The following BRSK1 variants were observed in gnomAD, a reference collection of about 807,000 sequenced individuals.
BRSK1 encodes BR serine/threonine kinase 1.
In BRSK1, 17 loss-of-function variants were observed where a neutral mutation model predicts 86.2. The ratio of observed to expected loss-of-function variants is 0.20; its 90% CI spans 0.14 to 0.30. BRSK1 has a LOEUF of 0.30. Ranked by LOEUF, BRSK1 falls within the 10% of genes least tolerant of loss-of-function variation. The pLI is 1.00. For synonymous variants in BRSK1, 464 were observed against 440.1 expected, an observed-to-expected ratio of 1.05 and a Z score of -0.68; for missense variants, 719 against 1,071.9, an observed-to-expected ratio of 0.67 and a Z score of 4.60.
chr19:55,304,030 TA>T lies in BRSK1; in HGVS notation c.1287-17del, dbSNP rs397859178. On this transcript the variant is annotated intron_variant, in intron 12 of 18. Coordinates refer to ENST00000309383, the MANE Select transcript of BRSK1 (RefSeq NM_032430.2). The surrounding 1 kb of genome is among the most constrained non-coding windows in gnomAD (Gnocchi z 5.2). ...ACCCTCCCATCTGATTTTTTTTTTTTAAATCTATCCTGGAAACAGATCCCGT... is the reference window on the plus strand; with the variant it reads ...ACCCTCCCATCTGATTTTTTTTTTTTAATCTATCCTGGAAACAGATCCCGT... 7.6e-6 allele frequency: 12 copies of T among 1,586,966 alleles called. No individual in the cohort carries two copies. The highest frequency in any genetic ancestry group is 9.4e-6 in the Non-Finnish European group (11 of 1,169,012).
At chr19:55,307,789 A>ACACACAC (rs1568989630) in intron 17 of BRSK1, among the ~76,000 whole-genome samples, 18 of 97,916 alleles carry the variant, frequency 1.8e-4, no homozygotes, top group African/African-American at 8.1e-4. Flanking sequence ...CACACACACA[A>ACACACAC]TTTAAAAAAA....
chr19:55,297,249 G>A (rs1433638981), intron 7 of BRSK1, among the ~76,000 whole-genome samples: 1 of 151,722 alleles, frequency 6.6e-6, no homozygotes, highest in South Asian at 2.1e-4. Flanking sequence ...GCTAATTTTT[G>A]TATTTTTAGT....
In BRSK1 at chr19:55,302,679, G is replaced by A; in HGVS notation, c.858-18G>A. ...TCTCAGAAGCCCGGTTCCCAATAAT[G>A]TTTCTCCACTTCCCCAGAGGCGGGA... On this transcript the variant is annotated intron_variant, in intron 9 of 18. Transcript: ENST00000309383. The surrounding 1 kb of genome is among the most constrained non-coding windows in gnomAD (Gnocchi z 6.3). 6.3e-7 allele frequency: 1 copy of A among 1,596,356 alleles called. No individual in the cohort carries two copies. The highest frequency in any genetic ancestry group is 8.6e-7 in the Non-Finnish European group (1 of 1,168,378).
intron 4 of BRSK1, among the ~76,000 whole-genome samples, chr19:55,290,999 A>G (rs576087934): frequency 3.7e-4 from 28 of 75,496 alleles, no homozygotes; most frequent in Admixed American, 9.4e-4. Flanking sequence ...AAGGTCACTA[A>G]GGTCTTCTGT....
rs773660197 is a variant in BRSK1, at chr19:55,294,298, C to T, written c.610-31C>T. On this transcript the variant is annotated intron_variant, in intron 6 of 18. Transcript: ENST00000309383. This position sits in a 1 kb window ranked among gnomAD's most constrained non-coding sequence, Gnocchi z 4.9. ...GAGGGGTGGAGGCAGCAGTGAGGAG[C>T]GATGAAGTCACAACTGGCCTTCCCT... 31 of 1,613,986 alleles carry T rather than the reference C, an allele frequency of 1.9e-5. No homozygotes were observed. Among genetic ancestry groups the T allele is most frequent in the Admixed American group, 6.7e-5 (4 of 59,976 alleles).
intron 1 of BRSK1, among the ~76,000 whole-genome samples, chr19:55,285,041 G>C (rs1347471348): frequency 6.7e-6 from 1 of 149,424 alleles, no homozygotes; most frequent in Non-Finnish European, 1.5e-5. Context: ...GGGGCTGGGG[G>C]TCTGGACTTC....
chr19:55,289,197 A>G (rs1031766745), intron 3 of BRSK1, among the ~76,000 whole-genome samples: 9 of 152,140 alleles, frequency 5.9e-5, no homozygotes, highest in African/African-American at 9.7e-5. Flanking sequence ...GGGAGGCTCT[A>G]CTGCCCAGGG....
At chr19:55,295,021 C>T (rs1180374520) in intron 7 of BRSK1, among the ~76,000 whole-genome samples, 7 of 152,138 alleles carry the variant, frequency 4.6e-5, no homozygotes, top group Admixed American at 2.0e-4. Flanking sequence ...AGGTTGGTTT[C>T]GAACTCCTGG....
chr19:55,305,534 A>G lies in BRSK1; in HGVS notation c.1838A>G (p.Lys613Arg). The G allele has an allele frequency of 1.2e-6, 2 of 1,614,210 alleles. No individual in the cohort carries two copies. Residue 613 changes from lysine (K) to arginine (R), a missense_variant, in exon 16 of 19, where the codon AAG becomes AGG. By Grantham distance (26) the Lys-to-Arg change is conservative (BLOSUM62 2). Coordinates refer to ENST00000309383, the MANE Select transcript of BRSK1 (RefSeq NM_032430.2). ...GAAGAACAAATATTCCTCGTGCTAA[A>G]GGACAAACCTCTCAGCAGCATCAAA... is the stretch of plus-strand genomic sequence containing the variant. Reference protein sequence around the residue: ...DKEEQIFLVLKDKPLSSIKAD... With the variant: ...DKEEQIFLVLRDKPLSSIKAD...
chr19:55,291,490 G>A (rs185664999), intron 4 of BRSK1, among the ~76,000 whole-genome samples: 3 of 152,288 alleles, frequency 2.0e-5, no homozygotes, highest in Admixed American at 2.0e-4. Flanking sequence ...GCTGCAGTGA[G>A]GCAACAGAGT....
In BRSK1 at chr19:55,284,505, C is replaced by A; in HGVS notation, c.63C>A (p.His21Gln). ...GSPAYHLPHP[H>Q]PHPPQHAQYV... is the part of the protein sequence containing the mutation. ...CCGCCTACCACCTCCCCCACCCCCA[C>A]CCCCACCCACCCCAGCACGCCCAAT... Residue 21 changes from histidine to glutamine, a missense_variant, in exon 1 of 19, where the codon CAC becomes CAA. His to Gln is a conservative substitution (Grantham distance 24). Around this residue, in one of 6 missense-constraint regions of BRSK1, gnomAD observed 71 missense variants for 92.6 expected, o/e 0.77. Transcript: ENST00000309383. 2.6e-6 allele frequency: 3 copies of A among 1,155,748 alleles called. No individual in the cohort carries two copies. The highest frequency in any genetic ancestry group is 3.5e-6 in the Non-Finnish European group (3 of 868,914). 71.6% of individuals were successfully genotyped at this position (1,155,748 alleles called of 1,614,324 possible). A position where few individuals can be genotyped will look rare whatever the true frequency, so the allele number is the denominator to read the frequency against.
At chr19:55,297,599 G>A (rs545417328) in intron 7 of BRSK1, among the ~76,000 whole-genome samples, 3 of 152,132 alleles carry the variant, frequency 2.0e-5, no homozygotes, top group Non-Finnish European at 4.4e-5. Context: ...GAGAGCAGCC[G>A]AGGTGCTCTG....
chr19:55,286,001 AC>A (rs2088304998), intron 1 of BRSK1, among the ~76,000 whole-genome samples: 1 of 96,354 alleles, frequency 1.0e-5, no homozygotes, highest in African/African-American at 4.2e-5. Flanking sequence ...GGGAGGAGGA[AC>A]TGGGGGTCTG....
chr19:55,288,562 G>C (rs534056472), intron 3 of BRSK1, among the ~76,000 whole-genome samples: 4 of 151,730 alleles, frequency 2.6e-5, no homozygotes, highest in African/African-American at 9.7e-5. Flanking sequence ...AGAGGCTTAT[G>C]GGAAGGGAGT....
chr19:55,299,008 C>A (rs953435412), intron 7 of BRSK1, among the ~76,000 whole-genome samples: 25 of 152,158 alleles, frequency 1.6e-4, no homozygotes, highest in African/African-American at 5.1e-4. Context: ...CTGAGGCGGG[C>A]AGATCACGAA....
At chr19:55,285,461 G>A (rs1360093642) in intron 1 of BRSK1, among the ~76,000 whole-genome samples, 1 of 152,106 alleles carries the variant, frequency 6.6e-6, no homozygotes, top group African/African-American at 2.4e-5. Context: ...TGCAGACCGG[G>A]GTGCAGTGCA....
chr19:55,295,202 A>C (rs1016593985), intron 7 of BRSK1, among the ~76,000 whole-genome samples: 4 of 151,904 alleles, frequency 2.6e-5, no homozygotes, highest in African/African-American at 7.3e-5. Context: ...GGCTCACTGC[A>C]GTCTCAATCT....
Position 55,306,756 on chromosome 19 carries a change from G to A in BRSK1, c.2089+306G>A, listed in dbSNP as rs1292305892. On this transcript the variant is annotated intron_variant, in intron 17 of 18. Transcript: ENST00000309383. The surrounding 1 kb of genome is among the most constrained non-coding windows in gnomAD (Gnocchi z 4.7). ...TACGGAGGAGAAAACTGAGTCATAG[G>A]GAGGTCAATGGACTTGGCCAGAGTC... Among the ~76,000 whole-genome samples, 1 of 152,152 alleles carries A rather than the reference G, an allele frequency of 6.6e-6. No homozygotes were observed. The highest frequency in any genetic ancestry group is 1.5e-5 in the Non-Finnish European group (1 of 68,032).
In BRSK1 at chr19:55,304,647, G is replaced by T; in HGVS notation, c.1444G>T (p.Gly482Cys). Residue 482 changes from glycine to cysteine, a missense_variant, in exon 14 of 19, where the codon GGC becomes TGC. Physicochemically the swap from Gly to Cys is radical, Grantham distance 159 (BLOSUM62 -3). Around this residue, in one of 6 missense-constraint regions of BRSK1, gnomAD observed 143 missense variants for 120.1 expected, o/e 1.19. Transcript: ENST00000309383. This position sits in a 1 kb window ranked among gnomAD's most constrained non-coding sequence, Gnocchi z 5.2. Reference sequence around the variant, plus strand: ...CAAAACGCAGACGCTGCCTTCTCGGGGCCCCAGGGGTGGGGGCGCCGGGGA... The same window carrying T: ...CAAAACGCAGACGCTGCCTTCTCGGTGCCCCAGGGGTGGGGGCGCCGGGGA... ...TSKTQTLPSR[G>C]PRGGGAGEQP... 6.6e-7 allele frequency: 1 copy of T among 1,516,464 alleles called. No individual in the cohort carries two copies. The highest frequency in any genetic ancestry group is 8.8e-7 in the Non-Finnish European group (1 of 1,136,656). The allele number at this position is 1,516,464 out of a possible 1,614,324, so 93.9% of individuals were successfully genotyped here.
Sources: allele counts gnomAD v4.1 joint callset (sites outside exome capture counted in the v4.1 genomes callset), GRCh38; gene constraint gnomAD v4.1.1; regional missense constraint gnomAD v4.1.1; non-coding constraint Gnocchi (gnomAD v3.1); transcripts MANE v1.5; gene names NCBI Gene and HGNC (gene_info 2026-07-23, HGNC 2026-07-21).